The following TLE4 variants were observed in gnomAD, a reference collection of about 807,000 sequenced individuals.
TLE4 encodes transducin-like enhancer protein 4.
A neutral mutation model predicts 92.8 loss-of-function variants in TLE4; 8 were observed. That is an observed-to-expected ratio of 0.09 (90% CI 0.05 to 0.16). The LOEUF (loss-of-function observed/expected upper bound fraction) is 0.16, where lower values mean the gene tolerates loss of function less well. Among genes scored for constraint, TLE4 ranks in the 10% least tolerant of loss-of-function variants. The pLI, the probability that TLE4 is intolerant of heterozygous loss-of-function variation, is 1.00. For missense variants in TLE4, 675 were observed against 997.6 expected (o/e 0.68, Z 4.36); for synonymous variants, 371 against 374.1 (o/e 0.99, Z 0.10).
intron 4 of TLE4, among the ~76,000 whole-genome samples, chr9:79,586,303 C>T (rs1288142049): frequency 2.6e-5 from 4 of 150,988 alleles, no homozygotes; most frequent in Admixed American, 6.6e-5. Context: ...TCAGAAGTTG[C>T]GGTGAGCCAA....
chr9:79,706,436 A>G (rs1159224858), intron 10 of TLE4, among the ~76,000 whole-genome samples: 1 of 150,052 alleles, frequency 6.7e-6, no homozygotes, highest in Non-Finnish European at 1.5e-5. Context: ...ATAAGGTGTC[A>G]TTCTCTACTG....
At chr9:79,718,692 C>T in intron 14 of TLE4, 30 bp from the exon 15 acceptor site, 12 of 1,588,526 alleles carry the variant, frequency 7.6e-6, no homozygotes, top group Non-Finnish European at 1.0e-5. Context: ...TTACATTCCC[C>T]TCTTTCTTTT....
At chr9:79,717,939 C>T (rs1220527785) in intron 14 of TLE4, 4 of 456,050 alleles carry the variant, frequency 8.8e-6, no homozygotes, top group Non-Finnish European at 1.8e-5. Flanking sequence ...GACTTCAGTG[C>T]CCTAAAAATA....
chr9:79,698,850 G>T (rs2068954724), intron 8 of TLE4, among the ~76,000 whole-genome samples: 1 of 147,170 alleles, frequency 6.8e-6, no homozygotes, highest in South Asian at 2.1e-4. Context: ...TCCAATTGAG[G>T]ATTATTTCTT....
At chr9:79,684,645 G>A (rs2065429368) in intron 8 of TLE4, among the ~76,000 whole-genome samples, 1 of 152,108 alleles carries the variant, frequency 6.6e-6, no homozygotes, top group South Asian at 2.1e-4. Flanking sequence ...GCCATTCCTT[G>A]GTGCCAAAAA....
chr9:79,699,102 A>G (rs1324171262), intron 8 of TLE4, among the ~76,000 whole-genome samples: 2 of 152,178 alleles, frequency 1.3e-5, no homozygotes, highest in African/African-American at 2.4e-5. Context: ...GTAGTTCCAA[A>G]AAAACAGAAA....
rs1366382185 is a variant in TLE4, at chr9:79,572,771, A to C, written c.-20A>C. ...TGAGCCGCGCGCCTCTGCCGAGCGCAGCCAACTAAATCGGCTTGGATGATT... is the reference window on the plus strand; with the variant it reads ...TGAGCCGCGCGCCTCTGCCGAGCGCCGCCAACTAAATCGGCTTGGATGATT... On this transcript the variant is annotated 5_prime_UTR_variant, in exon 1 of 20. Transcript: ENST00000376552. 15 of 1,597,606 alleles carry C rather than the reference A, an allele frequency of 9.4e-6. No individual in the cohort carries two copies. The highest frequency in any genetic ancestry group is 1.7e-5 in the Admixed American group (1 of 58,454).
At chr9:79,623,661 A>G (rs1441637773) in intron 5 of TLE4, among the ~76,000 whole-genome samples, 1 of 150,294 alleles carries the variant, frequency 6.7e-6, no homozygotes, top group Non-Finnish European at 1.5e-5. Flanking sequence ...CTTTTCAGTA[A>G]CTTTACAGAG....
At chr9:79,694,762 T>C (rs906751056) in intron 8 of TLE4, among the ~76,000 whole-genome samples, 1 of 149,410 alleles carries the variant, frequency 6.7e-6, no homozygotes, top group African/African-American at 2.5e-5. Context: ...CTGTGTGTGG[T>C]GACTTACTAA....
intron 4 of TLE4, among the ~76,000 whole-genome samples, chr9:79,583,012 G>T (rs1362996384): frequency 6.6e-6 from 1 of 152,130 alleles, no homozygotes; most frequent in East Asian, 1.9e-4. Flanking sequence ...TAAAGAGGAA[G>T]GGCCTCAGAA....
rs947971071 is a variant in TLE4 at position 79,724,849 on chromosome 9, TAAAAAAAA to T, written c.2215-163_2215-156del. 6.1e-3 allele frequency among the ~76,000 whole-genome samples: 159 copies of T among 25,988 alleles called. 1 individual carries two copies. Among genetic ancestry groups the T allele is most frequent in the African/African-American group, 0.021 (128 of 6,176 alleles). 17.0% of individuals were successfully genotyped at this position (25,988 alleles called of 152,430 possible). A position where few individuals can be genotyped will look rare whatever the true frequency, so the allele number is the denominator to read the frequency against. On this transcript the variant is annotated intron_variant, in intron 19 of 19. Coordinates refer to ENST00000376552, the MANE Select transcript of TLE4 (RefSeq NM_007005.6). ...GTGACTGAGGGAGACCCTGTCTTAT[TAAAAAAAA>T]AAAAAAAAAAAAAAAAAAAAAAAAG...
intron 4 of TLE4, chr9:79,576,943 A>G (rs1564085484): frequency 2.0e-5 from 3 of 150,556 alleles, no homozygotes; most frequent in Admixed American, 1.3e-4. Context: ...ATATCTATCT[A>G]TATATATATA....
At chr9:79,674,730 C>T (rs2135020040) in intron 8 of TLE4, among the ~76,000 whole-genome samples, 1 of 152,236 alleles carries the variant, frequency 6.6e-6, no homozygotes, top group Non-Finnish European at 1.5e-5. Context: ...TTTTTAGGAC[C>T]TTCAAAGTGG....
intron 8 of TLE4, among the ~76,000 whole-genome samples, chr9:79,669,438 C>T (rs556515043): frequency 6.6e-6 from 1 of 152,232 alleles, no homozygotes; most frequent in African/African-American, 2.4e-5. Context: ...ATTAAAATGT[C>T]TTTTGGAAGA....
At position 79,574,859 on chromosome 9, in the gene TLE4, T is replaced by G; in HGVS notation, c.144-14T>G. 1 of 1,609,572 alleles carries G rather than the reference T, an allele frequency of 6.2e-7. No individual in the cohort carries two copies. The highest frequency in any genetic ancestry group is 8.5e-7 in the Non-Finnish European group (1 of 1,176,694). On this transcript the variant is annotated splice_polypyrimidine_tract_variant and intron_variant, in intron 2 of 19. Coordinates refer to ENST00000376552, the MANE Select transcript of TLE4 (RefSeq NM_007005.6). ...TAAGATCATTGTACTTAGAGTATCT[T>G]ATGTCTTGAACAGTCTGAAGCTGGA...
intron 8 of TLE4, among the ~76,000 whole-genome samples, chr9:79,673,131 A>G (rs2062689624): frequency 6.6e-6 from 1 of 152,162 alleles, no homozygotes; most frequent in South Asian, 2.1e-4. Context: ...AACGTGGAGG[A>G]TACATCGCTG....
At chr9:79,591,934 C>A (rs982681462) in intron 4 of TLE4, among the ~76,000 whole-genome samples, 23 of 152,144 alleles carry the variant, frequency 1.5e-4, no homozygotes, top group African/African-American at 5.6e-4. Flanking sequence ...TTTCGTTCAT[C>A]ACCTTACTTT....
At chr9:79,579,529 T>C (rs2039016583) in intron 4 of TLE4, among the ~76,000 whole-genome samples, 2 of 152,238 alleles carry the variant, frequency 1.3e-5, no homozygotes, top group South Asian at 4.1e-4. Flanking sequence ...GTTAGTATTC[T>C]ACAATGTGAA....
At chr9:79,619,898 C>T (rs17082580) in intron 5 of TLE4, among the ~76,000 whole-genome samples, 3,131 of 152,252 alleles carry the variant, frequency 0.021, 110 homozygotes, top group African/African-American at 0.068. Context: ...CATCAGAGAG[C>T]GTAATTCTGT....
Sources: gnomAD v4.1 joint callset for allele counts (sites outside exome capture counted in the v4.1 genomes callset) on GRCh38, gnomAD v4.1.1 for gene constraint, MANE v1.5 for transcripts, NCBI Gene and HGNC (gene_info 2026-07-23, HGNC 2026-07-21) for gene names.